The following MAN1A1 variants were observed in gnomAD, a reference collection of about 807,000 sequenced individuals.
The protein encoded by MAN1A1 is mannosidase alpha class 1A member 1, also known as mannosyl-oligosaccharide 1,2-alpha-mannosidase IA.
Under a neutral mutation model 70.8 loss-of-function variants are expected in MAN1A1, and 29 were observed. The observed-to-expected ratio is 0.41, with a 90% CI of 0.31 to 0.56. The LOEUF (loss-of-function observed/expected upper bound fraction) is 0.56. Among genes scored for constraint, MAN1A1 ranks in the 20% least tolerant of loss-of-function variants. The pLI, the probability that MAN1A1 is intolerant of heterozygous loss-of-function variation, is 0.29. For synonymous variants in MAN1A1, 349 were observed against 330.1 expected, an observed-to-expected ratio of 1.06 and a Z score of -0.62; for missense variants, 747 against 841.3, an observed-to-expected ratio of 0.89 and a Z score of 1.39.
chr6:119,267,582 A>C (rs1775792718), intron 5 of MAN1A1, among the ~76,000 whole-genome samples: 1 of 152,192 alleles, frequency 6.6e-6, no homozygotes, highest in African/African-American at 2.4e-5. Context: ...TGTATAGCCT[A>C]GTGTAACATT....
At chr6:119,233,413 T>G (rs1582719875) in intron 6 of MAN1A1, among the ~76,000 whole-genome samples, 1 of 152,338 alleles carries the variant, frequency 6.6e-6, no homozygotes, top group East Asian at 1.9e-4. Context: ...AATTTTCCTT[T>G]AAGCCAATTA....
intron 6 of MAN1A1, among the ~76,000 whole-genome samples, chr6:119,245,110 A>G (rs1295720160): frequency 1.3e-5 from 2 of 152,140 alleles, no homozygotes; most frequent in African/African-American, 4.8e-5. Flanking sequence ...CAGAATTATG[A>G]TATTACAGCC....
chr6:119,236,135 A>AC (rs1774838434), intron 6 of MAN1A1, among the ~76,000 whole-genome samples: 1 of 140,186 alleles, frequency 7.1e-6, no homozygotes, highest in Non-Finnish European at 1.6e-5. Flanking sequence ...ACTCCGTCTA[A>AC]AAAAAAAAAA....
chr6:119,216,330 T>C (rs1041961704), intron 6 of MAN1A1, among the ~76,000 whole-genome samples: 1 of 152,050 alleles, frequency 6.6e-6, no homozygotes, highest in Non-Finnish European at 1.5e-5. Context: ...AGGCAGATCG[T>C]TGGTGGCCTG....
chr6:119,181,274 A>G (rs1773147899), intron 11 of MAN1A1, among the ~76,000 whole-genome samples: 1 of 152,214 alleles, frequency 6.6e-6, no homozygotes, highest in African/African-American at 2.4e-5. Context: ...AACTGGGATC[A>G]TAAACCACTG....
intron 5 of MAN1A1, 58 bp downstream of exon 5, chr6:119,290,625 C>T (rs560713754): frequency 3.2e-6 from 4 of 1,232,440 alleles, no homozygotes; most frequent in East Asian, 4.8e-5. Context: ...CATATTTTAC[C>T]AAAAATGTAG....
At chr6:119,261,720 T>G (rs1775619316) in intron 5 of MAN1A1, among the ~76,000 whole-genome samples, 1 of 152,178 alleles carries the variant, frequency 6.6e-6, no homozygotes, top group South Asian at 2.1e-4. Flanking sequence ...ATGGAAGTGT[T>G]TTTGAAGATC....
chr6:119,250,675 T>TGTGC (rs1554208620), intron 5 of MAN1A1, among the ~76,000 whole-genome samples: 50 of 148,882 alleles, frequency 3.4e-4, no homozygotes, highest in African/African-American at 1.2e-3. Context: ...TGTGTGTGTG[T>TGTGC]GCGTGTCAGT....
Position 119,349,212 on chromosome 6 carries a change from A to G in MAN1A1, c.-147T>C, listed in dbSNP as rs1421256575. On this transcript the variant is annotated 5_prime_UTR_variant, in exon 2 of 13. Transcript: ENST00000368468. Reference sequence around the variant, plus strand: ...GCTGCGGATCCTCCCTGGGGGAACAACTCCGCGCCGGGTCTTCTCCCCGGG... The same window carrying G: ...GCTGCGGATCCTCCCTGGGGGAACAGCTCCGCGCCGGGTCTTCTCCCCGGG... 7 of 1,214,146 alleles carry G rather than the reference A, an allele frequency of 5.8e-6. No individual in the cohort carries two copies. Among genetic ancestry groups the G allele is most frequent in the Non-Finnish European group, 7.2e-6 (7 of 977,402 alleles). The allele number at this position is 1,214,146 out of a possible 1,614,324, so 75.2% of individuals were successfully genotyped here. A position where few individuals can be genotyped will look rare whatever the true frequency, so the allele number is the denominator to read the frequency against.
intron 2 of MAN1A1, among the ~76,000 whole-genome samples, chr6:119,343,805 T>C (rs1169592786): frequency 6.6e-6 from 1 of 152,174 alleles, no homozygotes; most frequent in Non-Finnish European, 1.5e-5. Context: ...TTGACCAACA[T>C]ACACAAGATT....
intron 2 of MAN1A1, among the ~76,000 whole-genome samples, chr6:119,329,635 C>G (rs56969807): frequency 0.11 from 17,442 of 152,152 alleles, 1,091 homozygotes; most frequent in Non-Finnish European, 0.14. Flanking sequence ...AAAAATCAAA[C>G]GAGTGAGCAG....
chr6:119,285,295 C>G (rs1017033816), intron 5 of MAN1A1, among the ~76,000 whole-genome samples: 1 of 151,944 alleles, frequency 6.6e-6, no homozygotes, highest in Non-Finnish European at 1.5e-5. Context: ...TTTTAACAAC[C>G]AGACCTTGCT....
chr6:119,212,610 T>C (rs576535268), intron 6 of MAN1A1, among the ~76,000 whole-genome samples: 22 of 152,190 alleles, frequency 1.4e-4, no homozygotes, highest in African/African-American at 4.6e-4. Flanking sequence ...GGGGTCTCAA[T>C]TGCAACTCAA....
At chr6:119,313,968 T>C (rs1226317951) in intron 2 of MAN1A1, among the ~76,000 whole-genome samples, 60 of 149,330 alleles carry the variant, frequency 4.0e-4, no homozygotes, top group South Asian at 4.2e-4. Context: ...CTACGCTGGC[T>C]AAGGGTTAAA....
chr6:119,302,672 AC>A (rs1772424541), intron 3 of MAN1A1, among the ~76,000 whole-genome samples: 1 of 152,070 alleles, frequency 6.6e-6, no homozygotes, highest in Non-Finnish European at 1.5e-5. Context: ...GAGCCACCAT[AC>A]CCGGCCTGTG....
intron 5 of MAN1A1, chr6:119,269,296 G>T: frequency 7.0e-6 from 2 of 286,370 alleles, no homozygotes; most frequent in South Asian, 2.9e-5. Flanking sequence ...GGTACTTCCA[G>T]CCAAACTCGT....
rs975354515 is a variant in MAN1A1 at position 119,179,515 on chromosome 6, C to T, written c.*304G>A. 16 of 184,764 alleles carry T rather than the reference C, an allele frequency of 8.7e-5. No homozygotes were observed. Among genetic ancestry groups the T allele is most frequent in the African/African-American group, 3.5e-4 (15 of 42,784 alleles). 11.4% of individuals were successfully genotyped at this position (184,764 alleles called of 1,614,324 possible). A position where few individuals can be genotyped will look rare whatever the true frequency, so the allele number is the denominator to read the frequency against. On this transcript the variant is annotated 3_prime_UTR_variant, in exon 13 of 13. Coordinates refer to ENST00000368468, the MANE Select transcript of MAN1A1 (RefSeq NM_005907.4). The stretch of plus-strand genomic sequence containing the variant: ...AATCAAATTATAATTAAGAGGTCAT[C>T]GCTATACAATTCTATTCAGTTTAAC...
intron 2 of MAN1A1, among the ~76,000 whole-genome samples, chr6:119,312,943 A>T (rs1280889544): frequency 6.6e-6 from 1 of 152,200 alleles, no homozygotes; most frequent in Non-Finnish European, 1.5e-5. Flanking sequence ...TGAGGAGATC[A>T]GGTGTGACAG....
chr6:119,292,142 A>G (rs1772047668), intron 4 of MAN1A1, among the ~76,000 whole-genome samples: 1 of 152,024 alleles, frequency 6.6e-6, no homozygotes, highest in Admixed American at 6.6e-5. Flanking sequence ...ATAATTAGTA[A>G]TTACTGCTAA....
Sources: gnomAD v4.1 joint callset for allele counts (sites outside exome capture counted in the v4.1 genomes callset) on GRCh38, gnomAD v4.1.1 for gene constraint, MANE v1.5 for transcripts, NCBI Gene and HGNC (gene_info 2026-07-23, HGNC 2026-07-21) for gene names.